LARP1: variants seen among roughly 807,000 people sequenced by gnomAD.
LARP1 encodes La ribonucleoprotein 1, translational regulator, also known as la-related protein 1.
Under a neutral mutation model 122.7 loss-of-function variants are expected in LARP1, and 36 were observed. The observed-to-expected ratio is 0.29, with a 90% CI of 0.22 to 0.39. LARP1 has a LOEUF of 0.39. LARP1 is among the 10% of genes least tolerant of loss of function. The pLI is 1.00. For missense variants in LARP1, 1,040 were observed against 1,403.6 expected (o/e 0.74, Z 4.14); for synonymous variants, 539 against 528.7 (o/e 1.02, Z -0.27).
At chr5:154,808,624 GA>G (rs1561634074) in intron 16 of LARP1, 21 bp downstream of exon 16, 3 of 1,605,786 alleles carry the variant, frequency 1.9e-6, no homozygotes, top group Non-Finnish European at 2.6e-6. Flanking sequence ...TTGGGTGGGG[GA>G]CTTTGGCTGG....
intron 2 of LARP1, 69 bp from the exon 3 acceptor site, chr5:154,790,576 C>A: frequency 6.4e-7 from 1 of 1,550,876 alleles, no homozygotes; most frequent in Non-Finnish European, 8.9e-7. Flanking sequence ...CTTGGTGAAG[C>A]TTGGGTCGGG....
intron 8 of LARP1, 35 bp from the exon 9 acceptor site, chr5:154,799,556 C>G: frequency 6.2e-7 from 1 of 1,605,506 alleles, no homozygotes; most frequent in Non-Finnish European, 8.5e-7. Flanking sequence ...CCAAGATTTT[C>G]TTCTTAATCC....
chr5:154,764,166 G>T (rs1477054251), intron 1 of LARP1, among the ~76,000 whole-genome samples: 1 of 151,954 alleles, frequency 6.6e-6, no homozygotes, highest in Non-Finnish European at 1.5e-5. Context: ...AAAATTAGCT[G>T]GGCGTGGTGG....
chr5:154,739,846 G>T (rs1757123124), intron 1 of LARP1, among the ~76,000 whole-genome samples: 1 of 152,134 alleles, frequency 6.6e-6, no homozygotes, highest in Admixed American at 6.6e-5. Context: ...TTTGGGCTGG[G>T]ATCCACTGTC....
At chr5:154,777,811 A>G (rs891709331) in intron 1 of LARP1, among the ~76,000 whole-genome samples, 1 of 152,158 alleles carries the variant, frequency 6.6e-6, no homozygotes, top group Non-Finnish European at 1.5e-5. Context: ...AAATATGTAA[A>G]CCTACTATGT....
rs1759576071 is a variant in LARP1, at chr5:154,815,064, G to T, written c.*968G>T. The T allele has an allele frequency of 6.6e-6, 1 of 152,562 alleles. No individual in the cohort carries two copies. The highest frequency in any genetic ancestry group is 1.5e-5 in the Non-Finnish European group (1 of 68,024). 9.5% of individuals were successfully genotyped at this position (152,562 alleles called of 1,614,324 possible). A position where few individuals can be genotyped will look rare whatever the true frequency, so the allele number is the denominator to read the frequency against. On this transcript the variant is annotated 3_prime_UTR_variant, in exon 19 of 19. Coordinates refer to ENST00000518297, the MANE Select transcript of LARP1 (RefSeq NM_033551.3). ...ACCCAAATGCCTGTTTTCCTCGGTG[G>T]AGTCAACCCGAAGAGCTCCCACCTT...
intron 1 of LARP1, among the ~76,000 whole-genome samples, chr5:154,732,292 C>G (rs1756637086): frequency 6.6e-6 from 1 of 151,574 alleles, no homozygotes; most frequent in South Asian, 2.1e-4. Context: ...AAGGAAAAAG[C>G]AAAAATTTGG....
At chr5:154,737,396 A>G (rs1285762044) in intron 1 of LARP1, among the ~76,000 whole-genome samples, 1 of 150,686 alleles carries the variant, frequency 6.6e-6, no homozygotes, top group African/African-American at 2.4e-5. Flanking sequence ...CAAAGGAACT[A>G]AACTTCCTTT....
intron 1 of LARP1, among the ~76,000 whole-genome samples, chr5:154,738,568 G>A (rs1024699291): frequency 4.6e-5 from 7 of 152,152 alleles, no homozygotes; most frequent in Non-Finnish European, 1.0e-4. Context: ...CTCCAGACTG[G>A]GGGACAGAGC....
At chr5:154,791,970 G>C (rs12188906) in intron 3 of LARP1, 43,111 of 455,662 alleles carry the variant, frequency 0.095, 2,407 homozygotes, top group Admixed American at 0.18. Flanking sequence ...ACTTGCAGAG[G>C]TTAATTACTA....
intron 1 of LARP1, among the ~76,000 whole-genome samples, chr5:154,761,593 C>T (rs926290621): frequency 2.6e-5 from 4 of 152,156 alleles, no homozygotes; most frequent in African/African-American, 7.2e-5. Context: ...GTTGGGGCCA[C>T]TGGAGGTTCA....
At position 154,805,902 on chromosome 5, in the gene LARP1, G is replaced by A. The variant is rs138080657; in HGVS notation, c.2568G>A (p.Thr856=). 28 of 1,614,074 alleles carry A rather than the reference G, an allele frequency of 1.7e-5. No individual in the cohort carries two copies. The African/African-American group carries it at 1.9e-4, about 11-fold the overall frequency. ...GTAGCTCCAGCCCCTCAGAAGGGAC[G>A]CCTACAGTTGGCAGCTATGGCTGTA... is the stretch of plus-strand genomic sequence containing the variant. ...ASISSSPSEG[T]PTVGSYGCTP... The change falls in exon 15 of 19, where the codon ACG becomes ACA. Residue 856 remains threonine, a synonymous_variant. Transcript: ENST00000518297.
chr5:154,815,931 C>G lies in LARP1; in HGVS notation c.*1835C>G, dbSNP rs561720920. ...TCTGGGCAACATGGAGTTCATTGTC[C>G]TGTTGCTTACTTACTGCAATGTCTT... On this transcript the variant is annotated 3_prime_UTR_variant, in exon 19 of 19. Coordinates refer to ENST00000518297, the MANE Select transcript of LARP1 (RefSeq NM_033551.3). The G allele has an allele frequency of 1.4e-4, 21 of 152,396 alleles. No individual in the cohort carries two copies. The highest frequency in any genetic ancestry group is 5.1e-4 in the African/African-American group (21 of 41,574). The allele number at this position is 152,396 out of a possible 1,614,324, so 9.4% of individuals were successfully genotyped here.
At chr5:154,697,755 G>T (rs1754530639) in intron 1 of LARP1, among the ~76,000 whole-genome samples, 1 of 152,164 alleles carries the variant, frequency 6.6e-6, no homozygotes, top group African/African-American at 2.4e-5. Context: ...TAGGACTTGG[G>T]GCTGGTGCAG....
chr5:154,701,513 G>T (rs1754709526), intron 1 of LARP1, among the ~76,000 whole-genome samples: 1 of 152,138 alleles, frequency 6.6e-6, no homozygotes, highest in South Asian at 2.1e-4. Flanking sequence ...AGCTCTGCCA[G>T]TCAGACCCCC....
At chr5:154,785,045 C>G (rs1490461950) in intron 1 of LARP1, among the ~76,000 whole-genome samples, 2 of 152,216 alleles carry the variant, frequency 1.3e-5, no homozygotes, top group African/African-American at 2.4e-5. Flanking sequence ...CTTCCTTCCT[C>G]CCTAACAAAG....
chr5:154,787,938 G>T (rs1031338423), intron 1 of LARP1, among the ~76,000 whole-genome samples: 2 of 152,218 alleles, frequency 1.3e-5, no homozygotes, highest in Non-Finnish European at 2.9e-5. Flanking sequence ...ATCAAACAAT[G>T]ATCTGACTTT....
chr5:154,774,816 G>A (rs1271744480), intron 1 of LARP1, among the ~76,000 whole-genome samples: 2 of 152,104 alleles, frequency 1.3e-5, no homozygotes, highest in Non-Finnish European at 2.9e-5. Flanking sequence ...GAAGCCGTCT[G>A]GTCACTTCTT....
chr5:154,749,127 T>A (rs1227232337), intron 1 of LARP1, among the ~76,000 whole-genome samples: 1 of 152,100 alleles, frequency 6.6e-6, no homozygotes, highest in African/African-American at 2.4e-5. Context: ...AGATTCAAAG[T>A]AGAGGCAGGG....
Sources: allele counts gnomAD v4.1 joint callset (sites outside exome capture counted in the v4.1 genomes callset), GRCh38; gene constraint gnomAD v4.1.1; transcripts MANE v1.5; gene names NCBI Gene and HGNC (gene_info 2026-07-23, HGNC 2026-07-21).